Variants in FHIP2A observed in about 807,000 individuals in gnomAD.
The protein encoded by FHIP2A is FHF complex subunit HOOK interacting protein 2A, also known as family with sequence similarity 160 member B1.
A neutral mutation model predicts 93.5 loss-of-function variants in FHIP2A; 46 were observed. The observed-to-expected ratio is 0.49, with a 90% CI of 0.39 to 0.63. FHIP2A has a LOEUF of 0.63. Ranked by LOEUF, FHIP2A falls within the 20% of genes least tolerant of loss-of-function variation. The pLI is 0.00. For missense variants in FHIP2A, 769 were observed against 909.7 expected, an observed-to-expected ratio of 0.85 and a Z score of 1.99; for synonymous variants, 332 against 326.5, an observed-to-expected ratio of 1.02 and a Z score of -0.18.
chr10:114,845,850 G>A (rs560738556), intron 8 of FHIP2A, among the ~76,000 whole-genome samples, 163 bp from the exon 9 acceptor site: 135 of 152,160 alleles, frequency 8.9e-4, no homozygotes, highest in African/African-American at 3.2e-3. Context: ...TGACCCAGTA[G>A]CCAACATCTA....
intron 1 of FHIP2A, among the ~76,000 whole-genome samples, chr10:114,823,799 G>A (rs2083557930): frequency 6.6e-6 from 1 of 151,726 alleles, no homozygotes; most frequent in Non-Finnish European, 1.5e-5. Context: ...CACCCGGCCC[G>A]AATCATTTTA....
intron 10 of FHIP2A, 24 bp downstream of exon 10, chr10:114,846,391 T>C (rs1324437580): frequency 1.3e-6 from 2 of 1,590,774 alleles, no homozygotes; most frequent in East Asian, 4.5e-5. Context: ...TGATTTAGAA[T>C]TGGACTTAGA....
At chr10:114,875,433 C>T (rs2083879975) in intron 16 of FHIP2A, among the ~76,000 whole-genome samples, 1 of 152,098 alleles carries the variant, frequency 6.6e-6, no homozygotes, top group African/African-American at 2.4e-5. Context: ...GTGGCTCATG[C>T]CTGTAATCCC....
intron 16 of FHIP2A, among the ~76,000 whole-genome samples, chr10:114,875,279 G>A (rs1054449824): frequency 1.3e-5 from 2 of 152,154 alleles, no homozygotes; most frequent in Admixed American, 6.5e-5. Context: ...GCGATTGATC[G>A]TTTCTCCTTG....
intron 16 of FHIP2A, among the ~76,000 whole-genome samples, chr10:114,896,172 A>G (rs1467567072): frequency 6.6e-6 from 1 of 152,174 alleles, no homozygotes; most frequent in Non-Finnish European, 1.5e-5. Context: ...AGGATTATCT[A>G]GAGACCCTCT....
chr10:114,858,385 A>G (rs911183597), intron 14 of FHIP2A, among the ~76,000 whole-genome samples: 1 of 152,208 alleles, frequency 6.6e-6, no homozygotes, highest in African/African-American at 2.4e-5. Flanking sequence ...ATGTTAAAAT[A>G]AACTACAAAC....
intron 16 of FHIP2A, among the ~76,000 whole-genome samples, chr10:114,886,751 A>G (rs1225910006): frequency 1.3e-5 from 2 of 151,780 alleles, no homozygotes; most frequent in Non-Finnish European, 2.9e-5. Context: ...TGCCATGTTG[A>G]CCAGGCTGGT....
intron 12 of FHIP2A, 76 bp downstream of exon 12, chr10:114,847,309 G>A: frequency 7.3e-7 from 1 of 1,379,070 alleles, no homozygotes; most frequent in South Asian, 1.3e-5. Context: ...TATTTTTTGA[G>A]ATGGAGTCTT....
intron 16 of FHIP2A, among the ~76,000 whole-genome samples, chr10:114,892,409 G>C (rs945927942): frequency 1.3e-5 from 2 of 152,150 alleles, no homozygotes; most frequent in Non-Finnish European, 2.9e-5. Context: ...TGTTCGAGGT[G>C]GGTGGATCAC....
intron 13 of FHIP2A, among the ~76,000 whole-genome samples, chr10:114,852,349 A>G (rs914680101): frequency 2.0e-5 from 3 of 152,294 alleles, no homozygotes; most frequent in Admixed American, 1.3e-4. Flanking sequence ...GTGTTCTTCT[A>G]AGACCTCAGA....
intron 2 of FHIP2A, 119 bp downstream of exon 2, chr10:114,831,049 A>G (rs2083604871): frequency 5.1e-6 from 3 of 585,604 alleles, no homozygotes; most frequent in South Asian, 5.2e-5. Context: ...TTTATAGACA[A>G]TCTTATCTTT....
chr10:114,849,391 T>C (rs1444262960), intron 13 of FHIP2A, among the ~76,000 whole-genome samples: 1 of 152,168 alleles, frequency 6.6e-6, no homozygotes, highest in East Asian at 1.9e-4. Flanking sequence ...TCCTTCATTC[T>C]GATGCAGACA....
chr10:114,888,352 C>T (rs921459431), intron 16 of FHIP2A, among the ~76,000 whole-genome samples: 12 of 152,076 alleles, frequency 7.9e-5, no homozygotes, highest in Admixed American at 3.3e-4. Context: ...TGGAGGGAGA[C>T]GGGAGGCTGC....
chr10:114,889,153 G>A (rs1341409110), intron 16 of FHIP2A, among the ~76,000 whole-genome samples: 2 of 152,044 alleles, frequency 1.3e-5, no homozygotes, highest in Non-Finnish European at 2.9e-5. Context: ...GAGGCCACCC[G>A]CATCATTGCT....
chr10:114,823,873 A>G lies in FHIP2A; in HGVS notation c.45+1750A>G, dbSNP rs573361738. On this transcript the variant is annotated intron_variant, in intron 1 of 16. Coordinates refer to ENST00000369248, the MANE Select transcript of FHIP2A (RefSeq NM_020940.4). ...ATACTTGGTAATCAAAATTTACTAT[A>G]TTGCAGTCAGCTGTCTTATCCGTAG... Among the ~76,000 whole-genome samples, 24 of 152,242 alleles carry G rather than the reference A, an allele frequency of 1.6e-4. No individual in the cohort carries two copies. In the South Asian group the frequency reaches 4.8e-3, roughly 30 times the overall value.
At chr10:114,879,042 CTTA>C (rs1203858488) in intron 16 of FHIP2A, among the ~76,000 whole-genome samples, 1 of 152,118 alleles carries the variant, frequency 6.6e-6, no homozygotes, top group Non-Finnish European at 1.5e-5. Flanking sequence ...ATGTGCCAGG[CTTA>C]TTATTTAATT....
intron 16 of FHIP2A, among the ~76,000 whole-genome samples, chr10:114,871,891 G>A (rs2083861957): frequency 6.6e-6 from 1 of 152,058 alleles, no homozygotes; most frequent in Admixed American, 6.6e-5. Context: ...TGTCATCTCA[G>A]CTCACTGAAT....
chr10:114,848,885 G>A, intron 13 of FHIP2A, 148 bp downstream of exon 13: 1 of 592,950 alleles, frequency 1.7e-6, no homozygotes, highest in Non-Finnish European at 3.0e-6. Flanking sequence ...TCTCACACCT[G>A]TAATCCCAGC....
At position 114,855,280 on chromosome 10, in the gene FHIP2A, T is replaced by C. The variant is rs1259917295; in HGVS notation, c.1887T>C (p.Ala629=). The C allele has an allele frequency of 1.9e-6, 3 of 1,614,110 alleles. No individual in the cohort carries two copies. The highest frequency in any genetic ancestry group is 2.2e-5 in the South Asian group (2 of 91,076). ...KALEKCNLEA[A]FFEGHFLKVL... ...TGGAAAAGTGCAATTTAGAAGCTGCTTTCTTTGAAGGTCATTTTTTGAAAG... is the reference window on the plus strand; with the variant it reads ...TGGAAAAGTGCAATTTAGAAGCTGCCTTCTTTGAAGGTCATTTTTTGAAAG... The change falls in exon 14 of 17, where the codon GCT becomes GCC. Residue 629 remains alanine, a synonymous_variant. Coordinates refer to ENST00000369248, the MANE Select transcript of FHIP2A (RefSeq NM_020940.4).
Sources: gnomAD v4.1 joint callset for allele counts (sites outside exome capture counted in the v4.1 genomes callset) on GRCh38, gnomAD v4.1.1 for gene constraint, MANE v1.5 for transcripts, NCBI Gene and HGNC (gene_info 2026-07-23, HGNC 2026-07-21) for gene names.